UBE2H: variants seen among roughly 807,000 people sequenced by gnomAD.
UBE2H encodes ubiquitin conjugating enzyme E2 H.
In UBE2H, 3 loss-of-function variants were observed where a neutral mutation model predicts 29.0. The observed-to-expected ratio is 0.10, with a 90% CI of 0.05 to 0.27. UBE2H has a LOEUF of 0.27. Ranked by LOEUF, UBE2H falls within the 10% of genes least tolerant of loss-of-function variation. The pLI, the probability that UBE2H is intolerant of heterozygous loss-of-function variation, is 1.00. For missense variants in UBE2H, 68 were observed against 228.2 expected, an observed-to-expected ratio of 0.30 and a Z score of 4.52; for synonymous variants, 69 against 82.9, an observed-to-expected ratio of 0.83 and a Z score of 0.91.
rs188833259 is a variant in UBE2H, at chr7:129,912,929, A to G, written c.54-31958T>C. 1.3e-3 allele frequency among the ~76,000 whole-genome samples: 199 copies of G among 152,324 alleles called. 2 individuals are homozygous for G. Among genetic ancestry groups the G allele is most frequent in the Admixed American group, 0.012 (188 of 15,294 alleles). On this transcript the variant is annotated intron_variant, in intron 1 of 6. Transcript: ENST00000355621. ...CAACACAACCAAGTACATTTCCAAT[A>G]AAAGTCAAGGTTTCAAAGAATATAA...
chr7:129,872,567 C>T (rs761952085), intron 3 of UBE2H, among the ~76,000 whole-genome samples: 7 of 151,852 alleles, frequency 4.6e-5, no homozygotes, highest in Non-Finnish European at 7.4e-5. Context: ...ATTGGCTGGG[C>T]GCGGTGGCTC....
chr7:129,903,270 G>A (rs1042381047), intron 1 of UBE2H, among the ~76,000 whole-genome samples: 1 of 152,158 alleles, frequency 6.6e-6, no homozygotes, highest in East Asian at 1.9e-4. Context: ...TAAATGAACA[G>A]TATTTATTTC....
chr7:129,949,847 G>A (rs1006116787), intron 1 of UBE2H, among the ~76,000 whole-genome samples: 3 of 152,186 alleles, frequency 2.0e-5, no homozygotes, highest in Admixed American at 6.5e-5. Flanking sequence ...AAAATGGGCT[G>A]AAACAGGAGA....
At chr7:129,929,724 A>T (rs946242358) in intron 1 of UBE2H, among the ~76,000 whole-genome samples, 8 of 152,132 alleles carry the variant, frequency 5.3e-5, no homozygotes, top group Admixed American at 1.3e-4. Flanking sequence ...TTATATTAAC[A>T]CATTGCCAGG....
intron 1 of UBE2H, among the ~76,000 whole-genome samples, chr7:129,893,755 T>C (rs528358214): frequency 7.2e-5 from 11 of 152,370 alleles, no homozygotes; most frequent in African/African-American, 2.4e-4. Flanking sequence ...ATTTGCTTAC[T>C]TGCAACTGAA....
intron 5 of UBE2H, among the ~76,000 whole-genome samples, chr7:129,853,694 A>G (rs375942805): frequency 2.0e-4 from 30 of 152,238 alleles, no homozygotes; most frequent in Admixed American, 1.8e-3. Context: ...AGAAAACAGG[A>G]TAAGAACAGA....
chr7:129,839,417 A>G, intron 5 of UBE2H, 82 bp from the exon 6 acceptor site: 1 of 1,582,386 alleles, frequency 6.3e-7, no homozygotes, highest in South Asian at 1.1e-5. Context: ...CAAGCTGCTT[A>G]CCTTCTTAGA....
chr7:129,922,906 TTTTTC>T (rs1807191894), intron 1 of UBE2H, among the ~76,000 whole-genome samples: 2 of 151,934 alleles, frequency 1.3e-5, no homozygotes, highest in Admixed American at 1.3e-4. Flanking sequence ...ATTTTTCTTT[TTTTTC>T]TTTTTTTTGA....
chr7:129,843,792 G>GC (rs1475355361), intron 5 of UBE2H, among the ~76,000 whole-genome samples: 1 of 152,156 alleles, frequency 6.6e-6, no homozygotes, highest in Non-Finnish European at 1.5e-5. Flanking sequence ...CGAACGGAAG[G>GC]CTCCTCCTGC....
intron 3 of UBE2H, among the ~76,000 whole-genome samples, chr7:129,869,096 C>A (rs1165250568): frequency 6.6e-6 from 1 of 151,996 alleles, no homozygotes; most frequent in Non-Finnish European, 1.5e-5. Context: ...GCCACCATGC[C>A]CAGCTAATTT....
At chr7:129,844,438 GAAAAATAAAGA>G (rs1457751306) in intron 5 of UBE2H, among the ~76,000 whole-genome samples, 1 of 152,150 alleles carries the variant, frequency 6.6e-6, no homozygotes, top group Non-Finnish European at 1.5e-5. Flanking sequence ...CTCATCTGTA[GAAAAATAAAGA>G]ACACTTTTTC....
chr7:129,945,656 GA>G (rs1807746957), intron 1 of UBE2H, among the ~76,000 whole-genome samples: 1 of 151,848 alleles, frequency 6.6e-6, no homozygotes, highest in Non-Finnish European at 1.5e-5. Context: ...TATGCACAAA[GA>G]TGTTAATTTC....
chr7:129,950,411 C>A (rs1423902150), intron 1 of UBE2H, among the ~76,000 whole-genome samples: 4 of 151,966 alleles, frequency 2.6e-5, no homozygotes, highest in Non-Finnish European at 5.9e-5. Context: ...AAAAAAGACA[C>A]CCTGCTGTTC....
chr7:129,939,908 G>A (rs1471294836), intron 1 of UBE2H, among the ~76,000 whole-genome samples: 3 of 151,774 alleles, frequency 2.0e-5, no homozygotes, highest in African/African-American at 4.8e-5. Context: ...GCAGTGAGCC[G>A]AGATGGAGCC....
At chr7:129,881,034 AC>A in intron 1 of UBE2H, 63 bp from the exon 2 acceptor site, 1 of 1,463,500 alleles carries the variant, frequency 6.8e-7, no homozygotes, top group Non-Finnish European at 9.4e-7. Flanking sequence ...TACCAATAAC[AC>A]CCCAGGCATA....
At chr7:129,872,136 T>G (rs548504159) in intron 3 of UBE2H, among the ~76,000 whole-genome samples, 19 of 152,294 alleles carry the variant, frequency 1.2e-4, no homozygotes, top group Middle Eastern at 6.8e-3. Context: ...ATTACGGGCA[T>G]GAGTCATCGT....
rs1024091801 is a variant in UBE2H, at chr7:129,952,915, G to C, written c.-360C>G. 2 of 170,572 alleles carry C rather than the reference G, an allele frequency of 1.2e-5. No individual in the cohort carries two copies. The highest frequency in any genetic ancestry group is 3.2e-4 in the East Asian group (2 of 6,158). 10.6% of individuals were successfully genotyped at this position (170,572 alleles called of 1,614,324 possible). A position where few individuals can be genotyped will look rare whatever the true frequency, so the allele number is the denominator to read the frequency against. On this transcript the variant is annotated 5_prime_UTR_variant, in exon 1 of 7. Transcript: ENST00000355621. ...CGGCTCCTAGCAGCCTCCACTATAA[G>C]CGGACGACTCCTGCTCAGTCGGCCT... is the stretch of plus-strand genomic sequence containing the variant.
chr7:129,861,729 C>T (rs950895517), intron 3 of UBE2H, among the ~76,000 whole-genome samples: 3 of 151,956 alleles, frequency 2.0e-5, no homozygotes, highest in Non-Finnish European at 2.9e-5. Flanking sequence ...CCATCTGTAA[C>T]GAAAATACAA....
chr7:129,900,333 A>G (rs1177253736), intron 1 of UBE2H, among the ~76,000 whole-genome samples: 2 of 133,936 alleles, frequency 1.5e-5, no homozygotes, highest in East Asian at 2.1e-4. Context: ...AATGTAACAC[A>G]TATGTTACTC....
Sources: gnomAD v4.1 joint callset for allele counts (sites outside exome capture counted in the v4.1 genomes callset) on GRCh38, gnomAD v4.1.1 for gene constraint, MANE v1.5 for transcripts, NCBI Gene and HGNC (gene_info 2026-07-23, HGNC 2026-07-21) for gene names.